Variants in IFT56 observed in about 807,000 individuals in gnomAD.
The protein encoded by IFT56 is intraflagellar transport 56.
the IFT56 span, among the ~76,000 whole-genome samples, chr7:139,163,340 T>TAA: frequency 1.6e-5 from 2 of 124,660 alleles, no homozygotes; most frequent in Non-Finnish European, 1.7e-5. Context: ...AGACTCCATC[T>TAA]AAAAAAAAAA....
chr7:139,163,541 T>A, the IFT56 span, among the ~76,000 whole-genome samples: 1 of 151,944 alleles, frequency 6.6e-6, no homozygotes, highest in Non-Finnish European at 1.5e-5. Flanking sequence ...TTTGAGAGGT[T>A]AAGGAGTGAG....
chr7:139,178,667 A>G, the IFT56 span: 2 of 1,386,118 alleles, frequency 1.4e-6, no homozygotes, highest in Non-Finnish European at 2.0e-6. Flanking sequence ...TTCTCACTGG[A>G]ATAAAATGGT....
At chr7:139,187,659 GA>G in the IFT56 span, 5 of 1,282,090 alleles carry the variant, frequency 3.9e-6, no homozygotes, top group South Asian at 1.5e-5. Context: ...TTAGAATGAT[GA>G]AAAAAAGGTT....
chr7:139,168,509 A>T, the IFT56 span: 1 of 726,580 alleles, frequency 1.4e-6, no homozygotes, highest in Non-Finnish European at 2.5e-6. Context: ...AGCTCCTTTT[A>T]TTTCTCCATA....
At chr7:139,152,122 A>T in the IFT56 span, among the ~76,000 whole-genome samples, 3 of 152,184 alleles carry the variant, frequency 2.0e-5, no homozygotes, top group African/African-American at 4.8e-5. Flanking sequence ...TCCTCTTTTT[A>T]AAAAATTTAT....
the IFT56 span, among the ~76,000 whole-genome samples, chr7:139,185,030 G>T: frequency 6.7e-6 from 1 of 148,928 alleles, no homozygotes; most frequent in South Asian, 2.1e-4. Flanking sequence ...CTCCAGCCTG[G>T]GTAACAGGGC....
the IFT56 span, chr7:139,147,283 G>C: frequency 6.2e-7 from 1 of 1,606,656 alleles, no homozygotes; most frequent in Non-Finnish European, 8.5e-7. Flanking sequence ...AATACTGCTA[G>C]ATAACAGGTC....
chr7:139,158,438 A>G, the IFT56 span, among the ~76,000 whole-genome samples: 1 of 152,140 alleles, frequency 6.6e-6, no homozygotes, highest in African/African-American at 2.4e-5. Flanking sequence ...ATGATGTTTA[A>G]TGTAGATTTT....
At chr7:139,181,254 T>C in the IFT56 span, 2 of 1,340,760 alleles carry the variant, frequency 1.5e-6, no homozygotes, top group South Asian at 1.2e-5. Context: ...CATTGCTGCA[T>C]TGGCTAAATA....
chr7:139,189,494 C>T, the IFT56 span: 6 of 1,174,956 alleles, frequency 5.1e-6, no homozygotes, highest in African/African-American at 4.6e-5. Flanking sequence ...ATCATTTTCA[C>T]TCCAGTTTAA....
At chr7:139,181,425 G>C in the IFT56 span, among the ~76,000 whole-genome samples, 2 of 152,340 alleles carry the variant, frequency 1.3e-5, no homozygotes, top group South Asian at 4.1e-4. Flanking sequence ...GGAAGTTTTA[G>C]ATTTCTAAAG....
the IFT56 span, chr7:139,189,960 T>C: frequency 6.6e-6 from 1 of 152,426 alleles, no homozygotes; most frequent in Non-Finnish European, 1.5e-5. Context: ...TATCAAACTG[T>C]CCAGTCATTA....
At chr7:139,143,372 A>G in the IFT56 span, among the ~76,000 whole-genome samples, 1 of 152,138 alleles carries the variant, frequency 6.6e-6, no homozygotes. Context: ...GTGCACACAA[A>G]CTTAGAATTG....
At chr7:139,153,945 A>G in the IFT56 span, among the ~76,000 whole-genome samples, 12 of 152,164 alleles carry the variant, frequency 7.9e-5, no homozygotes, top group Non-Finnish European at 1.2e-4. Context: ...ACTATTTTAC[A>G]TTCCCATCAG....
At chr7:139,176,783 C>A in the IFT56 span, among the ~76,000 whole-genome samples, 1 of 152,174 alleles carries the variant, frequency 6.6e-6, no homozygotes, top group African/African-American at 2.4e-5. Flanking sequence ...TTCATTCACA[C>A]AATAAAAATT....
the IFT56 span, among the ~76,000 whole-genome samples, chr7:139,183,975 T>G: frequency 6.6e-6 from 1 of 152,238 alleles, no homozygotes; most frequent in Non-Finnish European, 1.5e-5. Flanking sequence ...TGACTCCATT[T>G]CTGGATGTTT....
At chr7:139,160,133 A>C in the IFT56 span, among the ~76,000 whole-genome samples, 27 of 152,230 alleles carry the variant, frequency 1.8e-4, no homozygotes, top group Admixed American at 1.3e-4. Flanking sequence ...ATTGCTGAGC[A>C]GACATGCACT....
chr7:139,168,511 T>G, the IFT56 span: 1 of 740,426 alleles, frequency 1.4e-6, no homozygotes, highest in Non-Finnish European at 2.4e-6. Context: ...CTCCTTTTAT[T>G]TCTCCATATC....
the IFT56 span, among the ~76,000 whole-genome samples, chr7:139,188,101 C>CT: frequency 7.2e-6 from 1 of 138,076 alleles, no homozygotes; most frequent in African/African-American, 2.7e-5. Context: ...TTTTTTCTTT[C>CT]TTTCTTTTTT....
Sources: allele counts gnomAD v4.1 joint callset (sites outside exome capture counted in the v4.1 genomes callset), GRCh38; gene constraint gnomAD v4.1.1; transcripts MANE v1.5; gene names NCBI Gene and HGNC (gene_info 2026-07-23, HGNC 2026-07-21).